The following DNAI4 variants were observed in gnomAD, a reference collection of about 807,000 sequenced individuals.
DNAI4 encodes the protein dynein axonemal intermediate chain 4, also known as WD repeat domain 78.
Under a neutral mutation model 105.8 loss-of-function variants are expected in DNAI4, and 85 were observed. The observed-to-expected ratio is 0.80, with a 90% confidence interval of 0.67 to 0.96. The LOEUF (loss-of-function observed/expected upper bound fraction) is 0.96. DNAI4 is among the 40% of genes least tolerant of loss of function. The pLI, the probability that DNAI4 is intolerant of heterozygous loss-of-function variation, is 0.00. For missense variants in DNAI4, 1,014 were observed against 1,005.6 expected (o/e 1.01, Z -0.11); for synonymous variants, 352 against 331.5 (o/e 1.06, Z -0.67).
chr1:66,862,151 T>C lies in DNAI4; in HGVS notation c.1092A>G (p.Glu364=). The change falls in exon 7 of 17, where the codon GAA becomes GAG. Residue 364 remains glutamate (E), a synonymous_variant. Transcript: ENST00000371026. ...QDQRLPGSTT[E]KNSETSSLMD... The stretch of plus-strand genomic sequence containing the variant: ...CTAAAATAAATGAAATCTTACTTTT[T>C]TCTGTAGTGCTCCCTGGCAATCTTT... 6.4e-7 allele frequency: 1 copy of C among 1,562,470 alleles called. No individual in the cohort carries two copies. The highest frequency in any genetic ancestry group is 1.2e-5 in the South Asian group (1 of 81,888).
chr1:66,866,181 C>A (rs1384638873), intron 6 of DNAI4, among the ~76,000 whole-genome samples: 2 of 151,946 alleles, frequency 1.3e-5, no homozygotes, highest in Non-Finnish European at 2.9e-5. Context: ...ACGGCAGGCA[C>A]TTGTAGTCCC....
chr1:66,901,468 C>T (rs1648814920), intron 2 of DNAI4, among the ~76,000 whole-genome samples: 1 of 152,072 alleles, frequency 6.6e-6, no homozygotes, highest in African/African-American at 2.4e-5. Flanking sequence ...GATTATTTAC[C>T]TATCACCATC....
intron 1 of DNAI4, among the ~76,000 whole-genome samples, chr1:66,922,209 G>A (rs913059006): frequency 6.6e-6 from 1 of 152,102 alleles, no homozygotes; most frequent in Non-Finnish European, 1.5e-5. Context: ...TTACAGGCAT[G>A]AGCCACTGTG....
chr1:66,858,222 T>C (rs936559095), intron 7 of DNAI4, among the ~76,000 whole-genome samples: 1 of 151,860 alleles, frequency 6.6e-6, no homozygotes, highest in Non-Finnish European at 1.5e-5. Context: ...CAGAACAATA[T>C]CTCACATGAA....
chr1:66,874,662 C>T (rs1477363476), intron 5 of DNAI4, 119 bp downstream of exon 5: 3 of 914,648 alleles, frequency 3.3e-6, no homozygotes, highest in Admixed American at 2.8e-5. Flanking sequence ...ACAGTCTCCC[C>T]CCAAACCCCA....
intron 7 of DNAI4, among the ~76,000 whole-genome samples, chr1:66,849,173 A>C (rs780993396): frequency 1.3e-5 from 2 of 152,192 alleles, no homozygotes; most frequent in Non-Finnish European, 2.9e-5. Flanking sequence ...CAAAACTTTT[A>C]TCACTCCCCA....
chr1:66,914,287 C>CTA (rs1649902966), intron 1 of DNAI4, among the ~76,000 whole-genome samples: 1 of 152,180 alleles, frequency 6.6e-6, no homozygotes, highest in Non-Finnish European at 1.5e-5. Flanking sequence ...AACCTGCAAA[C>CTA]TATAGAGTTC....
In DNAI4 at chr1:66,861,878, G is replaced by A. The variant is rs544474275; in HGVS notation, c.1096+269C>T. On this transcript the variant is annotated intron_variant, in intron 7 of 16. Transcript: ENST00000371026. Reference sequence around the variant, plus strand: ...AACAAAAGGGAGATAGAAAATGATGGAACTCACATGTAGGAAAGAGAGCTT... The same window carrying A: ...AACAAAAGGGAGATAGAAAATGATGAAACTCACATGTAGGAAAGAGAGCTT... 7.9e-5 allele frequency among the ~76,000 whole-genome samples: 12 copies of A among 152,254 alleles called. No homozygotes were observed. In the South Asian group the frequency reaches 2.3e-3, roughly 29 times the overall value.
chr1:66,899,776 G>A (rs1465534338), intron 2 of DNAI4, among the ~76,000 whole-genome samples: 1 of 152,086 alleles, frequency 6.6e-6, no homozygotes, highest in Admixed American at 6.5e-5. Flanking sequence ...TCTTTTCCAG[G>A]TGGCAATCCA....
intron 8 of DNAI4, among the ~76,000 whole-genome samples, chr1:66,846,980 A>G (rs1646290129): frequency 6.6e-6 from 1 of 152,262 alleles, no homozygotes; most frequent in South Asian, 2.1e-4. Flanking sequence ...AATAAAAGTA[A>G]GAACTTAGAA....
At chr1:66,880,392 G>T (rs973414886) in intron 4 of DNAI4, among the ~76,000 whole-genome samples, 7 of 152,174 alleles carry the variant, frequency 4.6e-5, no homozygotes, top group Non-Finnish European at 8.8e-5. Context: ...GAGACTTTTT[G>T]CATGGCTTTG....
Position 66,837,712 on chromosome 1 carries a change from T to C in DNAI4, c.1579A>G (p.Met527Val), listed in dbSNP as rs1177286825. 1.2e-6 allele frequency: 2 copies of C among 1,607,576 alleles called. No individual in the cohort carries two copies. Among genetic ancestry groups the C allele is most frequent in the Non-Finnish European group, 1.7e-6 (2 of 1,177,126 alleles). ...CTTCTTATTCTTGTTTGGGTTACCA[T>C]GGGATTCTTTATTGACCAGCAGCAA... ...LACCWSIKNP[M>V]WPERIYQSPY... The change falls in exon 10 of 17, where the codon ATG (methionine) becomes GTG (valine). Residue 527 changes from methionine to valine, a missense_variant and splice_region_variant. Physicochemically the swap from Met to Val is conservative, Grantham distance 21. Transcript: ENST00000371026.
Position 66,833,998 on chromosome 1 carries a change from G to A in DNAI4, c.1884C>T (p.Asp628=), listed in dbSNP as rs199912009. ...ACTTGATTTTTCTTTTACCATAACA[G>A]TCTAGTCCTTTTCGTATAACCCATT... The part of the protein sequence containing the change: ...ISKWVIRKGL[D]CYDLMRLKRT... Residue 628 remains aspartate (D), a synonymous_variant, in exon 12 of 17, where the codon GAC becomes GAT. Transcript: ENST00000371026. 1 of 1,599,682 alleles carries A rather than the reference G, an allele frequency of 6.3e-7. No individual in the cohort carries two copies. Among genetic ancestry groups the A allele is most frequent in the East Asian group, 2.2e-5 (1 of 44,618 alleles).
chr1:66,847,390 C>T, intron 8 of DNAI4, 94 bp downstream of exon 8: 1 of 1,241,444 alleles, frequency 8.1e-7, no homozygotes, highest in Non-Finnish European at 1.1e-6. Flanking sequence ...AACTCCTGGG[C>T]CCAAGCAATC....
At chr1:66,902,666 TAC>T (rs1432210983) in intron 2 of DNAI4, among the ~76,000 whole-genome samples, 1 of 152,216 alleles carries the variant, frequency 6.6e-6, no homozygotes, top group Non-Finnish European at 1.5e-5. Context: ...CTAGGAATTT[TAC>T]AGAGTTAGCT....
At chr1:66,857,954 C>T (rs1472082719) in intron 7 of DNAI4, among the ~76,000 whole-genome samples, 1 of 152,086 alleles carries the variant, frequency 6.6e-6, no homozygotes, top group Non-Finnish European at 1.5e-5. Flanking sequence ...ACTACCAAAA[C>T]TCACTCAAGG....
chr1:66,860,592 T>C (rs1179242556), intron 7 of DNAI4: 5 of 152,182 alleles, frequency 3.3e-5, no homozygotes, highest in Non-Finnish European at 7.4e-5. Context: ...TTATTTTCTA[T>C]TGCAGTTATT....
chr1:66,900,058 AT>A (rs1219945500), intron 2 of DNAI4, among the ~76,000 whole-genome samples: 1 of 151,842 alleles, frequency 6.6e-6, no homozygotes, highest in Non-Finnish European at 1.5e-5. Flanking sequence ...TTCCATATGA[AT>A]TTTATTTTAT....
intron 3 of DNAI4, among the ~76,000 whole-genome samples, 166 bp downstream of exon 3, chr1:66,893,063 G>GAGAGAGAAAGAAAGAA (rs879150798): frequency 3.8e-4 from 34 of 89,542 alleles, no homozygotes; most frequent in East Asian, 5.6e-4. Flanking sequence ...AAGAGAGAGA[G>GAGAGAGAAAGAAAGAA]AGAAAGAAAG....
Sources: gnomAD v4.1 joint callset for allele counts (sites outside exome capture counted in the v4.1 genomes callset) on GRCh38, gnomAD v4.1.1 for gene constraint, MANE v1.5 for transcripts, NCBI Gene and HGNC (gene_info 2026-07-23, HGNC 2026-07-21) for gene names.